MARCHF10: variants seen among roughly 807,000 people sequenced by gnomAD.
The protein encoded by MARCHF10 is probable E3 ubiquitin-protein ligase MARCHF10.
MARCHF10 carries 64 observed loss-of-function variants against 76.2 expected under a neutral mutation model. The ratio of observed to expected loss-of-function variants is 0.84; its 90% CI spans 0.69 to 1.03. The LOEUF is 1.03. Among genes scored for constraint, MARCHF10 ranks in the 50% least tolerant of loss-of-function variants. The probability of loss-of-function intolerance (pLI) is 0.00; values close to 1 mark genes in which losing one functional copy is unlikely to be tolerated. For synonymous variants in MARCHF10, 340 were observed against 357.5 expected (o/e 0.95, Z 0.55); for missense variants, 875 against 958.0 (o/e 0.91, Z 1.14).
At chr17:62,761,019 A>G (rs939061745) in intron 3 of MARCHF10, among the ~76,000 whole-genome samples, 2 of 152,200 alleles carry the variant, frequency 1.3e-5, no homozygotes, top group Admixed American at 6.5e-5. Flanking sequence ...TCTCCCTGTC[A>G]GTTGTGGCAT....
chr17:62,746,043 CAT>C (rs1041567437), intron 4 of MARCHF10, among the ~76,000 whole-genome samples: 52 of 152,330 alleles, frequency 3.4e-4, no homozygotes, highest in African/African-American at 1.0e-3. Context: ...TTTTTTGGCA[CAT>C]GAGGCAACTG....
chr17:62,805,658 T>C (rs1221845575), intron 1 of MARCHF10, among the ~76,000 whole-genome samples: 1 of 152,150 alleles, frequency 6.6e-6, no homozygotes, highest in Non-Finnish European at 1.5e-5. Context: ...ATGCCTGTAA[T>C]CCCAGCACTT....
At chr17:62,729,479 ATATT>A (rs1410740214) in intron 6 of MARCHF10, among the ~76,000 whole-genome samples, 1 of 148,244 alleles carries the variant, frequency 6.7e-6, no homozygotes, top group African/African-American at 2.5e-5. Context: ...TAGATGATAT[ATATT>A]TATTATATAA....
chr17:62,788,447 C>A, intron 3 of MARCHF10, 33 bp downstream of exon 3: 1 of 1,612,830 alleles, frequency 6.2e-7, no homozygotes, highest in Non-Finnish European at 8.5e-7. Flanking sequence ...GCAGCAGCAG[C>A]CCCAGGAGAC....
At chr17:62,789,763 C>T (rs1568213840) in intron 2 of MARCHF10, among the ~76,000 whole-genome samples, 1 of 152,004 alleles carries the variant, frequency 6.6e-6, no homozygotes, top group Non-Finnish European at 1.5e-5. Flanking sequence ...CATAGTGAAA[C>T]CCTGTTTCTA....
chr17:62,704,038 G>C (rs1446705873), intron 10 of MARCHF10, among the ~76,000 whole-genome samples: 1 of 151,560 alleles, frequency 6.6e-6, no homozygotes, highest in Non-Finnish European at 1.5e-5. Context: ...CCGGGGCGGG[G>C]CTGGGGAGGG....
chr17:62,791,144 A>G (rs2092835206), intron 2 of MARCHF10, among the ~76,000 whole-genome samples: 1 of 152,256 alleles, frequency 6.6e-6, no homozygotes, highest in South Asian at 2.1e-4. Flanking sequence ...CCAATCATAG[A>G]GAAACCCAGG....
At chr17:62,786,634 T>TG (rs1412982933) in intron 3 of MARCHF10, among the ~76,000 whole-genome samples, 1 of 152,218 alleles carries the variant, frequency 6.6e-6, no homozygotes, top group Non-Finnish European at 1.5e-5. Context: ...TACTATTATG[T>TG]ATACAACCAT....
At chr17:62,713,265 A>G (rs918112320) in intron 8 of MARCHF10, among the ~76,000 whole-genome samples, 9 of 152,238 alleles carry the variant, frequency 5.9e-5, no homozygotes, top group Non-Finnish European at 4.4e-5. Context: ...GCCAGCTTTT[A>G]TGCTTGAGAC....
At chr17:62,750,704 G>T (rs114589205) in intron 4 of MARCHF10, among the ~76,000 whole-genome samples, 1 of 152,198 alleles carries the variant, frequency 6.6e-6, no homozygotes, top group Non-Finnish European at 1.5e-5. Flanking sequence ...GCGTCACTGC[G>T]GAGTTAACCA....
In MARCHF10 at chr17:62,711,325, T is replaced by C. The variant is rs1331605379; in HGVS notation, c.2234A>G (p.Asn745Ser). ...QQSQAQNELMNSGLYLVLLLH... is the reference protein window; with the variant it reads ...QQSQAQNELMSSGLYLVLLLH... The stretch of plus-strand genomic sequence containing the variant: ...CAGCAGCACCAGGTACAAGCCTGAA[T>C]TCATCAGCTCGTTTTGTGCCTACAA... Residue 745 changes from asparagine (N) to serine (S), a missense_variant, in exon 9 of 11, where the codon AAT (asparagine) becomes AGT (serine). Asn to Ser is a conservative substitution (Grantham distance 46). Coordinates refer to ENST00000311269, the MANE Select transcript of MARCHF10 (RefSeq NM_152598.4). This position sits in a 1 kb window ranked among gnomAD's most constrained non-coding sequence, Gnocchi z 4.4. 6.2e-7 allele frequency: 1 copy of C among 1,614,200 alleles called. No individual in the cohort carries two copies.
At chr17:62,783,900 A>G (rs960061574) in intron 3 of MARCHF10, among the ~76,000 whole-genome samples, 1 of 152,194 alleles carries the variant, frequency 6.6e-6, no homozygotes, top group Non-Finnish European at 1.5e-5. Context: ...CCAACCAAAA[A>G]AAGTCCAGGA....
intron 8 of MARCHF10, among the ~76,000 whole-genome samples, chr17:62,721,406 G>A (rs915452960): frequency 6.6e-6 from 1 of 151,410 alleles, no homozygotes; most frequent in African/African-American, 2.4e-5. Flanking sequence ...TGGTGTGTAT[G>A]TGACACTTAC....
chr17:62,747,761 T>C (rs1446041314), intron 4 of MARCHF10, among the ~76,000 whole-genome samples: 1 of 152,236 alleles, frequency 6.6e-6, no homozygotes, highest in Non-Finnish European at 1.5e-5. Flanking sequence ...ACTTATTCAA[T>C]AGCCTTCATT....
chr17:62,705,412 C>A lies in MARCHF10; in HGVS notation c.2371+127G>T, dbSNP rs904563935. The A allele has an allele frequency of 2.5e-6, 4 of 1,574,490 alleles. No homozygotes were observed. The African/African-American group carries it at 5.5e-5, about 22-fold the overall frequency. ...CTGCGGCTGACTTTCCCAAGCTTTGCGGGGTTATTTTTGCCTCTGGGTGGT... is the reference window on the plus strand; with the variant it reads ...CTGCGGCTGACTTTCCCAAGCTTTGAGGGGTTATTTTTGCCTCTGGGTGGT... On this transcript the variant is annotated intron_variant, in intron 10 of 10. Transcript: ENST00000311269.
chr17:62,776,637 C>T (rs2092559578), intron 3 of MARCHF10, among the ~76,000 whole-genome samples: 1 of 152,196 alleles, frequency 6.6e-6, no homozygotes, highest in South Asian at 2.1e-4. Context: ...GGGGTTTGCA[C>T]ACCAGTATTC....
At chr17:62,702,521 C>T (rs2089305111) in intron 10 of MARCHF10, among the ~76,000 whole-genome samples, 1 of 151,970 alleles carries the variant, frequency 6.6e-6, no homozygotes, top group Non-Finnish European at 1.5e-5. Context: ...AAAAAATTAG[C>T]CAGGGGTGGT....
intron 3 of MARCHF10, among the ~76,000 whole-genome samples, chr17:62,773,227 A>G (rs1421489310): frequency 6.6e-6 from 1 of 152,184 alleles, no homozygotes; most frequent in African/African-American, 2.4e-5. Context: ...CAAGAGGAGC[A>G]GGTGGCTTTG....
At chr17:62,771,697 C>G (rs562580159) in intron 3 of MARCHF10, among the ~76,000 whole-genome samples, 4 of 151,816 alleles carry the variant, frequency 2.6e-5, no homozygotes, top group African/African-American at 9.7e-5. Flanking sequence ...ATGCCTCAGC[C>G]TCCTGACTAG....
Sources: allele counts gnomAD v4.1 joint callset (sites outside exome capture counted in the v4.1 genomes callset), GRCh38; gene constraint gnomAD v4.1.1; non-coding constraint Gnocchi (gnomAD v3.1); transcripts MANE v1.5; gene names NCBI Gene and HGNC (gene_info 2026-07-23, HGNC 2026-07-21).